Variants in INPP4B observed in about 807,000 individuals in gnomAD.
INPP4B encodes the protein inositol polyphosphate-4-phosphatase type II B.
Under a neutral mutation model 122.5 loss-of-function variants are expected in INPP4B, and 55 were observed. The ratio of observed to expected loss-of-function variants is 0.45; its 90% CI spans 0.36 to 0.56. INPP4B has a LOEUF of 0.56. Among genes scored for constraint, INPP4B ranks in the 20% least tolerant of loss-of-function variants. The probability of loss-of-function intolerance (pLI) is 0.00; values close to 1 mark genes in which losing one functional copy is unlikely to be tolerated. For missense variants in INPP4B, 1,000 were observed against 1,097.7 expected (o/e 0.91, Z 1.26); for synonymous variants, 403 against 388.7 (o/e 1.04, Z -0.43).
At chr4:142,312,878 G>T (rs947377666) in intron 8 of INPP4B, among the ~76,000 whole-genome samples, 2 of 152,124 alleles carry the variant, frequency 1.3e-5, no homozygotes, top group Non-Finnish European at 2.9e-5. Context: ...ACTCTTAACA[G>T]GTAACCATTG....
At chr4:142,030,392 A>G (rs2152267400) in intron 25 of INPP4B, 1 of 1,104,654 alleles carries the variant, frequency 9.1e-7, no homozygotes, top group South Asian at 1.6e-5. Flanking sequence ...TCTGAAATAC[A>G]ATGCATTATC....
intron 18 of INPP4B, among the ~76,000 whole-genome samples, chr4:142,141,607 C>T (rs571120075): frequency 1.3e-5 from 2 of 151,998 alleles, no homozygotes; most frequent in South Asian, 2.1e-4. Context: ...TCTGCATTTA[C>T]CCTAAAAAGA....
chr4:142,674,966 A>C (rs1303785397), intron 2 of INPP4B, among the ~76,000 whole-genome samples: 1 of 152,178 alleles, frequency 6.6e-6, no homozygotes, highest in Non-Finnish European at 1.5e-5. Context: ...GCAAGAGCAA[A>C]CAAATTCAAA....
At chr4:142,196,532 G>A (rs1358687640) in intron 14 of INPP4B, among the ~76,000 whole-genome samples, 6 of 152,006 alleles carry the variant, frequency 3.9e-5, no homozygotes, top group East Asian at 1.9e-4. Flanking sequence ...TATCTCACCA[G>A]TTCTAACAAT....
At chr4:142,208,155 C>T (rs968423112) in intron 14 of INPP4B, among the ~76,000 whole-genome samples, 1 of 151,898 alleles carries the variant, frequency 6.6e-6, no homozygotes, top group Non-Finnish European at 1.5e-5. Context: ...TATTAGCCAC[C>T]GTTAATATTA....
At chr4:142,751,859 C>T (rs1769772220) in intron 1 of INPP4B, among the ~76,000 whole-genome samples, 1 of 152,098 alleles carries the variant, frequency 6.6e-6, no homozygotes, top group African/African-American at 2.4e-5. Flanking sequence ...TCTTACAAAA[C>T]TGTCCCCAAG....
intron 25 of INPP4B, among the ~76,000 whole-genome samples, chr4:142,032,547 C>G (rs777814436): frequency 1.3e-5 from 2 of 152,160 alleles, no homozygotes; most frequent in African/African-American, 2.4e-5. Flanking sequence ...CAATATGTAT[C>G]TCATTCTATT....
At chr4:142,184,677 G>C (rs1832399263) in intron 15 of INPP4B, among the ~76,000 whole-genome samples, 2 of 152,190 alleles carry the variant, frequency 1.3e-5, no homozygotes, top group Admixed American at 1.3e-4. Flanking sequence ...ATACAGTCTA[G>C]AGGGATTTTG....
At chr4:142,395,034 C>T (rs1798921858) in intron 7 of INPP4B, among the ~76,000 whole-genome samples, 1 of 152,156 alleles carries the variant, frequency 6.6e-6, no homozygotes. Flanking sequence ...TCATTATTTC[C>T]TTGTGGAAAG....
At chr4:142,138,616 G>C (rs1037535887) in intron 18 of INPP4B, among the ~76,000 whole-genome samples, 3 of 152,080 alleles carry the variant, frequency 2.0e-5, no homozygotes, top group African/African-American at 7.2e-5. Flanking sequence ...CACTGTGCTT[G>C]AATTTGAATC....
At position 142,152,066 on chromosome 4, in the gene INPP4B, CTTTTTTTTTTTTT is replaced by C. The variant is rs572092121; in HGVS notation, c.1564-6083_1564-6071del. 1.3e-4 allele frequency among the ~76,000 whole-genome samples: 9 copies of C among 69,954 alleles called. No individual in the cohort carries two copies. In the South Asian group the frequency reaches 4.5e-3, roughly 35 times the overall value. 45.9% of individuals were successfully genotyped at this position (69,954 alleles called of 152,430 possible). The stretch of plus-strand genomic sequence containing the variant: ...TGCCTAACATGCTTTTTTGTCTTTT[CTTTTTTTTTTTTT>C]TTTTTTTTTTTTTTGACGGAGTCTC... On this transcript the variant is annotated intron_variant, in intron 17 of 25. Transcript: ENST00000262992.
Position 142,238,015 on chromosome 4 carries a change from G to T in INPP4B, c.689-4C>A. ...TTACATACTGGGTTCTTTAACACTG[G>T]AAAAAAAAAGAAAAAATAATAGTTA... On this transcript the variant is annotated splice_region_variant and splice_polypyrimidine_tract_variant and intron_variant, in intron 11 of 25. Coordinates refer to ENST00000262992, the MANE Select transcript of INPP4B (RefSeq NM_001101669.3). 9.8e-6 allele frequency: 13 copies of T among 1,332,162 alleles called. No individual in the cohort carries two copies. Among genetic ancestry groups the T allele is most frequent in the Non-Finnish European group, 1.4e-5 (13 of 962,540 alleles). 82.5% of individuals were successfully genotyped at this position (1,332,162 alleles called of 1,614,324 possible). A position where few individuals can be genotyped will look rare whatever the true frequency, so the allele number is the denominator to read the frequency against.
chr4:142,077,986 T>C (rs1372234691), intron 25 of INPP4B, among the ~76,000 whole-genome samples: 1 of 151,484 alleles, frequency 6.6e-6, no homozygotes. Context: ...AGATTTCTGA[T>C]GGGCTGTGAG....
At chr4:142,315,031 T>A (rs1471217491) in intron 7 of INPP4B, among the ~76,000 whole-genome samples, 1 of 152,128 alleles carries the variant, frequency 6.6e-6, no homozygotes, top group Non-Finnish European at 1.5e-5. Context: ...ATCTCTTTAA[T>A]CTCCTAAAAA....
chr4:142,728,106 G>A (rs942501703), intron 1 of INPP4B, among the ~76,000 whole-genome samples: 1 of 152,206 alleles, frequency 6.6e-6, no homozygotes, highest in Non-Finnish European at 1.5e-5. Flanking sequence ...CCCATTGGGA[G>A]TCTTCTCAAT....
intron 2 of INPP4B, among the ~76,000 whole-genome samples, chr4:142,581,498 AG>A: frequency 6.8e-5 from 10 of 147,002 alleles, no homozygotes; most frequent in East Asian, 2.1e-4. Flanking sequence ...TCTATCTATT[AG>A]AAATAGATAG....
At chr4:142,249,415 A>G (rs1188245548) in intron 11 of INPP4B, among the ~76,000 whole-genome samples, 1 of 149,652 alleles carries the variant, frequency 6.7e-6, no homozygotes, top group Non-Finnish European at 1.5e-5. Flanking sequence ...TGTCTTTAAA[A>G]CTTTTTTTAA....
intron 11 of INPP4B, among the ~76,000 whole-genome samples, chr4:142,254,488 C>T (rs1734519751): frequency 6.6e-6 from 1 of 151,914 alleles, no homozygotes; most frequent in Admixed American, 6.6e-5. Context: ...ACTAGAATAA[C>T]CAATACAGAG....
Position 142,122,253 on chromosome 4 carries a change from A to AT in INPP4B, c.2018-9dup. 3 of 1,585,382 alleles carry AT rather than the reference A, an allele frequency of 1.9e-6. No homozygotes were observed. In the Admixed American group the frequency reaches 5.1e-5, roughly 27 times the overall value. On this transcript the variant is annotated splice_polypyrimidine_tract_variant and intron_variant, in intron 20 of 25. Transcript: ENST00000262992. ...GCATTCCAATTTCATCGCCTAAACA[A>AT]TAGAAAAGGCACTTAGCTACAAACA...
Sources: gnomAD v4.1 joint callset for allele counts (sites outside exome capture counted in the v4.1 genomes callset) on GRCh38, gnomAD v4.1.1 for gene constraint, MANE v1.5 for transcripts, NCBI Gene and HGNC (gene_info 2026-07-23, HGNC 2026-07-21) for gene names.